The following L3MBTL4 variants were observed in gnomAD, a reference collection of about 807,000 sequenced individuals.
L3MBTL4 encodes the protein lethal(3)malignant brain tumor-like protein 4.
Under a neutral mutation model 84.5 loss-of-function variants are expected in L3MBTL4, and 70 were observed. The ratio of observed to expected loss-of-function variants is 0.83; its 90% confidence interval spans 0.68 to 1.01. The LOEUF (loss-of-function observed/expected upper bound fraction) is 1.01, where lower values mean the gene tolerates loss of function less well. Ranked by LOEUF, L3MBTL4 falls within the 50% of genes least tolerant of loss-of-function variation. L3MBTL4 has a pLI of 0.00. For missense variants in L3MBTL4, 715 were observed against 754.8 expected (o/e 0.95, Z 0.62); for synonymous variants, 274 against 259.8 (o/e 1.05, Z -0.52).
At chr18:5,964,176 G>GT in intron 17 of L3MBTL4, among the ~76,000 whole-genome samples, 1 of 152,346 alleles carries the variant, frequency 6.6e-6, no homozygotes, top group East Asian at 1.9e-4. Flanking sequence ...TAAAATCCCT[G>GT]TTTTGTTTTG....
At chr18:6,308,340 G>A (rs574601704) in intron 3 of L3MBTL4, among the ~76,000 whole-genome samples, 1 of 152,118 alleles carries the variant, frequency 6.6e-6, no homozygotes, top group Non-Finnish European at 1.5e-5. Context: ...GTTAGGGAGA[G>A]GATAAACTAG....
At chr18:6,275,658 T>C (rs781333937) in intron 4 of L3MBTL4, among the ~76,000 whole-genome samples, 1 of 152,318 alleles carries the variant, frequency 6.6e-6, no homozygotes, top group South Asian at 2.1e-4. Context: ...TACCTTCACA[T>C]GTGGCAAACT....
At chr18:6,080,172 C>G (rs1458412386) in intron 16 of L3MBTL4, 3 of 152,336 alleles carry the variant, frequency 2.0e-5, no homozygotes, top group Admixed American at 2.0e-4. Context: ...GTAGAAAGCT[C>G]AGCAATGTTC....
chr18:6,057,553 A>AT (rs998466568), intron 16 of L3MBTL4, among the ~76,000 whole-genome samples: 1 of 152,106 alleles, frequency 6.6e-6, no homozygotes, highest in Non-Finnish European at 1.5e-5. Flanking sequence ...TACTTTATTA[A>AT]TTTTTTTGTG....
At chr18:6,142,677 T>C (rs960886937) in intron 13 of L3MBTL4, among the ~76,000 whole-genome samples, 5 of 152,098 alleles carry the variant, frequency 3.3e-5, no homozygotes, top group African/African-American at 1.2e-4. Flanking sequence ...TCCCAGAACT[T>C]TGGGAGTTTG....
intron 10 of L3MBTL4, among the ~76,000 whole-genome samples, chr18:6,225,751 A>AG: frequency 6.6e-6 from 1 of 152,038 alleles, no homozygotes; most frequent in East Asian, 1.9e-4. Flanking sequence ...AAAAAAAAAA[A>AG]AAAAATTAAG....
chr18:5,995,494 A>C (rs559119624), intron 16 of L3MBTL4, among the ~76,000 whole-genome samples: 4 of 152,332 alleles, frequency 2.6e-5, no homozygotes, highest in African/African-American at 7.2e-5. Context: ...GGAACTCTGA[A>C]TCCAGCCAAG....
At chr18:6,174,333 G>T (rs2145239834) in intron 12 of L3MBTL4, among the ~76,000 whole-genome samples, 1 of 152,098 alleles carries the variant, frequency 6.6e-6, no homozygotes, top group East Asian at 1.9e-4. Context: ...AAAGTAGTTA[G>T]GAAAATATGT....
intron 16 of L3MBTL4, among the ~76,000 whole-genome samples, chr18:6,022,717 C>T (rs566547181): frequency 9.2e-5 from 14 of 152,286 alleles, no homozygotes; most frequent in Middle Eastern, 3.4e-3. Context: ...ACAAAGTCTA[C>T]GTGATTTGGC....
At chr18:6,072,681 A>C (rs148040743) in intron 16 of L3MBTL4, among the ~76,000 whole-genome samples, 19 of 119,736 alleles carry the variant, frequency 1.6e-4, no homozygotes, top group South Asian at 1.3e-3. Flanking sequence ...TCTACTAAAA[A>C]ACACACACAC....
chr18:6,253,860 C>G (rs1442830674), intron 5 of L3MBTL4, among the ~76,000 whole-genome samples: 1 of 152,220 alleles, frequency 6.6e-6, no homozygotes, highest in Non-Finnish European at 1.5e-5. Context: ...CCTGAGTTAA[C>G]AGTGGCACTT....
intron 16 of L3MBTL4, among the ~76,000 whole-genome samples, chr18:5,982,786 T>A (rs542766): frequency 2.0e-5 from 3 of 152,104 alleles, no homozygotes; most frequent in African/African-American, 7.2e-5. Context: ...AGAGATGATA[T>A]GATTTACCCT....
At chr18:5,983,115 T>A (rs1478666790) in intron 16 of L3MBTL4, among the ~76,000 whole-genome samples, 1 of 152,210 alleles carries the variant, frequency 6.6e-6, no homozygotes, top group Non-Finnish European at 1.5e-5. Context: ...GGAAACACAG[T>A]CTTGTAAATT....
intron 16 of L3MBTL4, among the ~76,000 whole-genome samples, chr18:6,015,783 C>A (rs1156715648): frequency 6.6e-6 from 1 of 151,944 alleles, no homozygotes; most frequent in Non-Finnish European, 1.5e-5. Context: ...ACAGTGAAAC[C>A]CCGTCTCTAT....
intron 1 of L3MBTL4, among the ~76,000 whole-genome samples, chr18:6,373,049 A>G (rs2054221161): frequency 6.6e-6 from 1 of 152,202 alleles, no homozygotes; most frequent in African/African-American, 2.4e-5. Flanking sequence ...AAAAAATCAC[A>G]TACATCTGAT....
At chr18:6,302,415 AC>A (rs1440571074) in intron 3 of L3MBTL4, among the ~76,000 whole-genome samples, 3 of 152,218 alleles carry the variant, frequency 2.0e-5, no homozygotes, top group African/African-American at 7.2e-5. Flanking sequence ...CATAGAATGG[AC>A]AAGCGACTTC....
At chr18:6,315,716 A>G (rs2051057829) in intron 1 of L3MBTL4, among the ~76,000 whole-genome samples, 2 of 152,166 alleles carry the variant, frequency 1.3e-5, no homozygotes, top group South Asian at 4.1e-4. Flanking sequence ...GCCACACACA[A>G]TGATTTAAGT....
At chr18:6,307,208 G>C (rs7229856) in intron 3 of L3MBTL4, among the ~76,000 whole-genome samples, 1 of 151,874 alleles carries the variant, frequency 6.6e-6, no homozygotes, top group Middle Eastern at 3.2e-3. Context: ...CGAGGCAGGC[G>C]GATCACAAGG....
chr18:6,065,335 G>A (rs1003795223), intron 16 of L3MBTL4, among the ~76,000 whole-genome samples: 1 of 151,816 alleles, frequency 6.6e-6, no homozygotes, highest in East Asian at 1.9e-4. Context: ...TCCTTTCCTG[G>A]TTTCGGTATT....
Sources: gnomAD v4.1 joint callset for allele counts (sites outside exome capture counted in the v4.1 genomes callset) on GRCh38, gnomAD v4.1.1 for gene constraint, MANE v1.5 for transcripts, NCBI Gene and HGNC (gene_info 2026-07-23, HGNC 2026-07-21) for gene names.